Variants in GRIP1 observed in about 807,000 individuals in gnomAD.
The protein encoded by GRIP1 is glutamate receptor-interacting protein 1.
Under a neutral mutation model 129.9 loss-of-function variants are expected in GRIP1, and 45 were observed. The ratio of observed to expected loss-of-function variants is 0.35; its 90% confidence interval spans 0.27 to 0.44. The LOEUF (loss-of-function observed/expected upper bound fraction) is 0.44, where lower values mean the gene tolerates loss of function less well. Ranked by LOEUF, GRIP1 falls within the 20% of genes least tolerant of loss-of-function variation. The probability of loss-of-function intolerance (pLI) is 1.00; values close to 1 mark genes in which losing one functional copy is unlikely to be tolerated. For missense variants in GRIP1, 1,196 were observed against 1,396.8 expected (o/e 0.86, Z 2.29); for synonymous variants, 530 against 520.8 (o/e 1.02, Z -0.24).
chr12:66,891,618 C>T (rs1453760253), intron 1 of GRIP1, among the ~76,000 whole-genome samples: 1 of 152,084 alleles, frequency 6.6e-6, no homozygotes, highest in East Asian at 1.9e-4. Context: ...TTGGTGTTTC[C>T]CTCCACAGAG....
intron 2 of GRIP1, among the ~76,000 whole-genome samples, chr12:66,576,857 A>G (rs962865890): frequency 2.0e-5 from 3 of 152,244 alleles, no homozygotes; most frequent in African/African-American, 7.2e-5. Flanking sequence ...AGCTCTTAAG[A>G]GTGATTCATA....
At chr12:66,922,514 T>G (rs1306124635) in intron 1 of GRIP1, among the ~76,000 whole-genome samples, 6 of 152,240 alleles carry the variant, frequency 3.9e-5, no homozygotes, top group Non-Finnish European at 8.8e-5. Context: ...TGTTGCAGAC[T>G]GCAAGTATTT....
At chr12:66,361,087 G>T (rs2137159644) in intron 23 of GRIP1, among the ~76,000 whole-genome samples, 1 of 152,324 alleles carries the variant, frequency 6.6e-6, no homozygotes, top group African/African-American at 2.4e-5. Context: ...TACCTATGGT[G>T]CTGGAAGAAA....
intron 1 of GRIP1, among the ~76,000 whole-genome samples, chr12:66,760,515 A>T (rs1235862425): frequency 2.6e-5 from 4 of 152,176 alleles, no homozygotes; most frequent in Non-Finnish European, 5.9e-5. Flanking sequence ...CAAAAGCAGA[A>T]TTCCTTGATA....
At chr12:66,967,123 C>G (rs1347015940) in intron 1 of GRIP1, among the ~76,000 whole-genome samples, 2 of 152,090 alleles carry the variant, frequency 1.3e-5, no homozygotes, top group Non-Finnish European at 2.9e-5. Flanking sequence ...CAGTTGTTCT[C>G]TAAGCATTGC....
chr12:66,997,643 C>T (rs577563515), intron 1 of GRIP1, among the ~76,000 whole-genome samples: 1 of 152,108 alleles, frequency 6.6e-6, no homozygotes, highest in Non-Finnish European at 1.5e-5. Context: ...GATCACAACT[C>T]CTGGCTATGA....
At chr12:66,930,852 A>G (rs1355023906) in intron 1 of GRIP1, among the ~76,000 whole-genome samples, 1 of 152,168 alleles carries the variant, frequency 6.6e-6, no homozygotes, top group Non-Finnish European at 1.5e-5. Context: ...TAGCCTCTAA[A>G]TCTGATTGCC....
intron 1 of GRIP1, among the ~76,000 whole-genome samples, chr12:66,693,179 A>T (rs1024325322): frequency 6.6e-6 from 1 of 152,164 alleles, no homozygotes; most frequent in Non-Finnish European, 1.5e-5. Flanking sequence ...TGACAGGGTG[A>T]TGTCTAAACT....
intron 1 of GRIP1, among the ~76,000 whole-genome samples, chr12:66,909,166 CTT>C (rs2137304271): frequency 6.6e-6 from 1 of 152,194 alleles, no homozygotes; most frequent in East Asian, 1.9e-4. Flanking sequence ...TCATTCATGT[CTT>C]TGTTTTGCTA....
intron 19 of GRIP1, among the ~76,000 whole-genome samples, chr12:66,382,335 C>T (rs934252845): frequency 1.3e-5 from 2 of 152,164 alleles, no homozygotes; most frequent in Non-Finnish European, 2.9e-5. Flanking sequence ...GTCTGAGCAA[C>T]ATAAAAAGAC....
At chr12:66,524,462 G>C (rs1441667241) in intron 5 of GRIP1, among the ~76,000 whole-genome samples, 6 of 152,074 alleles carry the variant, frequency 3.9e-5, no homozygotes, top group Non-Finnish European at 8.8e-5. Flanking sequence ...CAGAAACAAA[G>C]ATGTTCTTTG....
At chr12:66,802,115 G>T (rs1369099820) in intron 1 of GRIP1, among the ~76,000 whole-genome samples, 1 of 152,084 alleles carries the variant, frequency 6.6e-6, no homozygotes, top group African/African-American at 2.4e-5. Flanking sequence ...GCACTGAGAA[G>T]TCATTGTATT....
chr12:66,774,069 C>T (rs938423719), intron 1 of GRIP1, among the ~76,000 whole-genome samples: 2 of 151,680 alleles, frequency 1.3e-5, no homozygotes, highest in Non-Finnish European at 2.9e-5. Flanking sequence ...AAATGGAGAA[C>T]AGTATATTTG....
At position 66,392,359 on chromosome 12, in the gene GRIP1, C is replaced by T; in HGVS notation, c.2413G>A (p.Ala805Thr). ...GCAGACCCATCCCATGAATCCACAG[C>T]ACTGTCCACACTGGGCACCGTGGAG... ...YPSTVPSVDS[A>T]VDSWDGSAID... Residue 805 changes from alanine to threonine, a missense_variant, in exon 19 of 25, where the codon GCT becomes ACT. Coordinates refer to ENST00000359742, the MANE Select transcript of GRIP1 (RefSeq NM_001366722.1). 1 of 1,613,636 alleles carries T rather than the reference C, an allele frequency of 6.2e-7. No individual in the cohort carries two copies. Among genetic ancestry groups the T allele is most frequent in the African/African-American group, 1.3e-5 (1 of 75,010 alleles).
intron 1 of GRIP1, among the ~76,000 whole-genome samples, chr12:66,890,723 T>C (rs1283853861): frequency 6.6e-6 from 1 of 152,240 alleles, no homozygotes. Flanking sequence ...GAGTTTATTA[T>C]ACATACTGAT....
intron 1 of GRIP1, among the ~76,000 whole-genome samples, chr12:67,063,600 T>C (rs2043571610): frequency 6.6e-6 from 1 of 152,228 alleles, no homozygotes; most frequent in Non-Finnish European, 1.5e-5. Context: ...TTACTTTTTA[T>C]TACTATCATT....
intron 2 of GRIP1, among the ~76,000 whole-genome samples, chr12:66,544,030 G>A (rs916895231): frequency 6.6e-6 from 1 of 152,116 alleles, no homozygotes; most frequent in African/African-American, 2.4e-5. Context: ...CAGCCTTATG[G>A]GAGGCAGACA....
Position 66,518,956 on chromosome 12 carries a change from T to C in GRIP1, c.503-980A>G, listed in dbSNP as rs1423567928. ...TGCCAGTTTCCTTATCTATTCTTTA[T>C]GTGACCTGATTTCTTTGCACATCAC... is the stretch of plus-strand genomic sequence containing the variant. On this transcript the variant is annotated intron_variant, in intron 5 of 24. Transcript: ENST00000359742. Among the ~76,000 whole-genome samples, 3 of 152,096 alleles carry C rather than the reference T, an allele frequency of 2.0e-5. No homozygotes were observed. In the East Asian group the frequency reaches 5.8e-4, roughly 29 times the overall value.
chr12:66,579,981 G>C (rs1475443482), intron 2 of GRIP1, among the ~76,000 whole-genome samples: 1 of 147,968 alleles, frequency 6.8e-6, no homozygotes, highest in East Asian at 2.0e-4. Flanking sequence ...TGAAATGAAG[G>C]AAAAAATGTT....
Sources: gnomAD v4.1 joint callset for allele counts (sites outside exome capture counted in the v4.1 genomes callset) on GRCh38, gnomAD v4.1.1 for gene constraint, MANE v1.5 for transcripts, NCBI Gene and HGNC (gene_info 2026-07-23, HGNC 2026-07-21) for gene names.